Variants in PCDHA11 observed in about 807,000 individuals in gnomAD.
PCDHA11 encodes the protein protocadherin alpha 11.
PCDHA11 carries 61 observed loss-of-function variants against 70.3 expected under a neutral mutation model. That is an observed-to-expected ratio of 0.87 (90% CI 0.71 to 1.07). PCDHA11 has a LOEUF of 1.07. PCDHA11 is among the 50% of genes least tolerant of loss of function. PCDHA11 has a pLI of 0.00. For synonymous variants in PCDHA11, 633 were observed against 555.1 expected, an observed-to-expected ratio of 1.14 and a Z score of -1.97; for missense variants, 1,324 against 1,237.5, an observed-to-expected ratio of 1.07 and a Z score of -1.05.
At chr5:140,889,176 A>T (rs2062131208) in intron 1 of PCDHA11, among the ~76,000 whole-genome samples, 1 of 151,738 alleles carries the variant, frequency 6.6e-6, no homozygotes, top group South Asian at 2.1e-4. Context: ...CAAGTTATAA[A>T]TAAGAATCTA....
intron 1 of PCDHA11, chr5:140,875,968 T>C (rs1554168125): frequency 2.5e-6 from 4 of 1,614,024 alleles, no homozygotes; most frequent in Non-Finnish European, 3.4e-6. Flanking sequence ...CGGCGTAAAC[T>C]CTCTTTTGAC....
intron 1 of PCDHA11, chr5:140,929,773 G>A (rs554286771): frequency 5.8e-6 from 1 of 173,032 alleles, no homozygotes; most frequent in East Asian, 1.8e-4. Context: ...AACCACAAAA[G>A]ATGTAAAAAT....
intron 1 of PCDHA11, chr5:140,928,158 A>T: frequency 1.2e-6 from 2 of 1,614,066 alleles, no homozygotes; most frequent in Non-Finnish European, 1.7e-6. Flanking sequence ...ATAGTGGCTC[A>T]CCCCCACTTA....
chr5:140,960,612 G>C (rs1467595478), intron 1 of PCDHA11, among the ~76,000 whole-genome samples: 1 of 152,110 alleles, frequency 6.6e-6, no homozygotes, highest in Non-Finnish European at 1.5e-5. Context: ...ACAATATCTA[G>C]TGTGTTTTTG....
chr5:140,997,559 T>A (rs550494855), intron 3 of PCDHA11, among the ~76,000 whole-genome samples: 2 of 152,148 alleles, frequency 1.3e-5, no homozygotes, highest in South Asian at 4.1e-4. Flanking sequence ...ACAGGACAAC[T>A]GTCATATGTG....
At chr5:140,910,072 T>A (rs546252378) in intron 1 of PCDHA11, among the ~76,000 whole-genome samples, 359 of 152,300 alleles carry the variant, frequency 2.4e-3, no homozygotes, top group African/African-American at 8.0e-3. Flanking sequence ...ACAGCGTAAA[T>A]TGTTGTCAAG....
chr5:140,968,553 G>C (rs782583876), intron 1 of PCDHA11: 4 of 1,614,132 alleles, frequency 2.5e-6, no homozygotes, highest in South Asian at 1.1e-5. Context: ...ATGGTGCCTC[G>C]AACTGCCCCT....
intron 1 of PCDHA11, among the ~76,000 whole-genome samples, chr5:140,977,651 G>T (rs1554238723): frequency 6.6e-6 from 1 of 152,136 alleles, no homozygotes; most frequent in East Asian, 1.9e-4. Flanking sequence ...CCTTGACTTT[G>T]GCTAATTCTC....
chr5:140,966,826 GC>G, intron 1 of PCDHA11: 1 of 1,560,690 alleles, frequency 6.4e-7, no homozygotes, highest in Non-Finnish European at 8.6e-7. Flanking sequence ...GGCGGCCCAT[GC>G]CCTGGCTGCT....
chr5:140,877,917 TTTC>T, intron 1 of PCDHA11: 2 of 1,427,712 alleles, frequency 1.4e-6, no homozygotes, highest in East Asian at 5.0e-5. Flanking sequence ...TTCTCTCATT[TTTC>T]TTTATGATTC....
intron 3 of PCDHA11, among the ~76,000 whole-genome samples, chr5:141,007,395 C>CAAAAAAAAAAAA (rs35800918): frequency 6.3e-5 from 6 of 94,866 alleles, no homozygotes; most frequent in Admixed American, 1.2e-4. Flanking sequence ...TACTAAAATA[C>CAAAAAAAAAAAA]AAAAAAAAAA....
intron 1 of PCDHA11, among the ~76,000 whole-genome samples, chr5:140,908,451 A>T (rs2073980523): frequency 6.6e-6 from 1 of 152,170 alleles, no homozygotes; most frequent in African/African-American, 2.4e-5. Context: ...TTATGGCTAG[A>T]TGGATCAGAA....
chr5:141,006,504 C>T (rs911793343), intron 3 of PCDHA11, among the ~76,000 whole-genome samples: 4 of 152,022 alleles, frequency 2.6e-5, no homozygotes, highest in East Asian at 1.9e-4. Flanking sequence ...TGAGCCACCG[C>T]GCCTGGCTGT....
intron 3 of PCDHA11, 57 bp downstream of exon 3, chr5:140,982,620 C>T: frequency 2.5e-6 from 4 of 1,588,470 alleles, no homozygotes. Flanking sequence ...ATCAGATGAC[C>T]TACTTTTGTA....
At chr5:140,903,927 G>A (rs1202330297) in intron 1 of PCDHA11, among the ~76,000 whole-genome samples, 1 of 152,158 alleles carries the variant, frequency 6.6e-6, no homozygotes, top group Non-Finnish European at 1.5e-5. Context: ...TGCTGCATTG[G>A]ATAATACCTC....
At chr5:140,948,292 A>G (rs1174586168) in intron 1 of PCDHA11, among the ~76,000 whole-genome samples, 1 of 151,576 alleles carries the variant, frequency 6.6e-6, no homozygotes, top group Non-Finnish European at 1.5e-5. Flanking sequence ...AATTTTGTAA[A>G]GAATATCTTT....
chr5:140,897,409 A>G (rs945260120), intron 1 of PCDHA11, among the ~76,000 whole-genome samples: 16 of 140,532 alleles, frequency 1.1e-4, no homozygotes, highest in Non-Finnish European at 1.7e-4. Flanking sequence ...TCATTGTTCA[A>G]TTCCCATCTA....
At chr5:140,876,361 C>T (rs1554168496) in intron 1 of PCDHA11, 1 of 1,613,880 alleles carries the variant, frequency 6.2e-7, no homozygotes. Flanking sequence ...TTCAATAAAT[C>T]CAGACACAGG....
intron 1 of PCDHA11, among the ~76,000 whole-genome samples, chr5:140,901,405 G>C (rs1366026091): frequency 6.6e-6 from 1 of 152,128 alleles, no homozygotes; most frequent in Non-Finnish European, 1.5e-5. Context: ...TGAGAGATAG[G>C]GGTCTAGTTT....
Sources: gnomAD v4.1 joint callset for allele counts (sites outside exome capture counted in the v4.1 genomes callset) on GRCh38, gnomAD v4.1.1 for gene constraint, MANE v1.5 for transcripts, NCBI Gene and HGNC (gene_info 2026-07-23, HGNC 2026-07-21) for gene names.